Variants in SLC8A1 observed in about 807,000 individuals in gnomAD.
SLC8A1 encodes solute carrier family 8 member A1.
Under a neutral mutation model 68.3 loss-of-function variants are expected in SLC8A1, and 18 were observed. That is an observed-to-expected ratio of 0.26 (90% CI 0.18 to 0.39). The LOEUF (loss-of-function observed/expected upper bound fraction) is 0.39. Ranked by LOEUF, SLC8A1 falls within the 10% of genes least tolerant of loss-of-function variation. SLC8A1 has a pLI of 1.00. For synonymous variants in SLC8A1, 475 were observed against 415.5 expected (o/e 1.14, Z -1.74); for missense variants, 985 against 1,156.7 (o/e 0.85, Z 2.15).
chr2:40,261,587 T>C (rs984772878), intron 2 of SLC8A1, among the ~76,000 whole-genome samples: 1 of 152,052 alleles, frequency 6.6e-6, no homozygotes, highest in Non-Finnish European at 1.5e-5. Context: ...AGATGGGAGG[T>C]CTGGTAGATC....
At chr2:40,353,722 G>A (rs1484942691) in intron 2 of SLC8A1, among the ~76,000 whole-genome samples, 6 of 152,140 alleles carry the variant, frequency 3.9e-5, no homozygotes, top group African/African-American at 1.2e-4. Flanking sequence ...TTCTCCCAAA[G>A]TCATCTTCTG....
intron 2 of SLC8A1, among the ~76,000 whole-genome samples, chr2:40,285,139 T>C (rs1309324390): frequency 6.6e-6 from 1 of 152,138 alleles, no homozygotes; most frequent in Non-Finnish European, 1.5e-5. Flanking sequence ...ACTCTGTGAA[T>C]TGGGTATTAT....
At chr2:40,318,153 G>T (rs1427771883) in intron 2 of SLC8A1, among the ~76,000 whole-genome samples, 1 of 151,996 alleles carries the variant, frequency 6.6e-6, no homozygotes, top group East Asian at 1.9e-4. Flanking sequence ...CTGGAACTGG[G>T]CTAAGTTTGG....
rs538123582 is a variant in SLC8A1 at position 40,415,035 on chromosome 2, G to A, written c.1808+13438C>T. Among the ~76,000 whole-genome samples, 78 of 152,292 alleles carry A rather than the reference G, an allele frequency of 5.1e-4. 1 individual carries two copies. The South Asian group carries it at 0.014, about 27-fold the overall frequency. The stretch of plus-strand genomic sequence containing the variant: ...ATTTGTTGTAAAAGGGAATGGACTC[G>A]TATTTAAGGACAGGACTCTGAGGAC... On this transcript the variant is annotated intron_variant, in intron 2 of 7. Transcript: ENST00000406785.
chr2:40,470,492 A>C (rs1032054491), intron 1 of SLC8A1, among the ~76,000 whole-genome samples: 1 of 152,056 alleles, frequency 6.6e-6, no homozygotes, highest in African/African-American at 2.4e-5. Flanking sequence ...ACCCATTAAA[A>C]ATGGGATTGT....
chr2:40,501,700 A>G (rs748954711), intron 1 of SLC8A1, among the ~76,000 whole-genome samples: 4 of 152,180 alleles, frequency 2.6e-5, no homozygotes, highest in Non-Finnish European at 5.9e-5. Flanking sequence ...ATGGACATCT[A>G]TTTTGGTTTG....
chr2:40,146,998 A>G (rs1403101830), intron 6 of SLC8A1, among the ~76,000 whole-genome samples: 1 of 152,208 alleles, frequency 6.6e-6, no homozygotes, highest in African/African-American at 2.4e-5. Context: ...CATCTAGATG[A>G]AATCATCCAC....
chr2:40,450,757 A>C (rs1440744503), intron 1 of SLC8A1, among the ~76,000 whole-genome samples: 1 of 152,256 alleles, frequency 6.6e-6, no homozygotes, highest in African/African-American at 2.4e-5. Flanking sequence ...GAGCGGCTTC[A>C]GGAGAGCCAG....
At chr2:40,416,189 C>T (rs545932797) in intron 2 of SLC8A1, among the ~76,000 whole-genome samples, 70 of 151,906 alleles carry the variant, frequency 4.6e-4, no homozygotes, top group African/African-American at 1.5e-3. Flanking sequence ...CTCTTTTACT[C>T]ACAAAAGTGC....
At chr2:40,463,883 C>T (rs1367079151) in intron 1 of SLC8A1, among the ~76,000 whole-genome samples, 4 of 133,782 alleles carry the variant, frequency 3.0e-5, no homozygotes, top group African/African-American at 1.2e-4. Flanking sequence ...CACACACACA[C>T]ACACATATAT....
At chr2:40,267,826 C>G (rs1574929878) in intron 2 of SLC8A1, among the ~76,000 whole-genome samples, 2 of 152,094 alleles carry the variant, frequency 1.3e-5, no homozygotes, top group Admixed American at 1.3e-4. Flanking sequence ...ATCGAGCACA[C>G]AAGGAACTGT....
At chr2:40,465,240 T>C (rs1215945205) in intron 1 of SLC8A1, among the ~76,000 whole-genome samples, 2 of 152,194 alleles carry the variant, frequency 1.3e-5, no homozygotes, top group Non-Finnish European at 2.9e-5. Context: ...TCTCCTACCA[T>C]AGACAATTGT....
intron 1 of SLC8A1, among the ~76,000 whole-genome samples, chr2:40,509,290 C>A (rs1363497668): frequency 6.6e-6 from 1 of 152,056 alleles, no homozygotes. Context: ...AATCCTATAG[C>A]CTTTCTGGCT....
chr2:40,406,046 C>A (rs1047066549), intron 2 of SLC8A1, among the ~76,000 whole-genome samples: 1 of 152,158 alleles, frequency 6.6e-6, no homozygotes, highest in Non-Finnish European at 1.5e-5. Flanking sequence ...TTCTATAGCA[C>A]TGAACTCCCA....
At chr2:40,345,860 G>A (rs537381463) in intron 2 of SLC8A1, among the ~76,000 whole-genome samples, 28 of 152,042 alleles carry the variant, frequency 1.8e-4, no homozygotes, top group African/African-American at 6.5e-4. Flanking sequence ...GGAGGGCAAG[G>A]GGAGGGAGAG....
At chr2:40,133,228 A>C (rs2039749527) in intron 7 of SLC8A1, among the ~76,000 whole-genome samples, 3 of 152,164 alleles carry the variant, frequency 2.0e-5, no homozygotes, top group Non-Finnish European at 4.4e-5. Flanking sequence ...CACAGTCGTT[A>C]ACACCACGCT....
chr2:40,278,888 A>G (rs2067134999), intron 2 of SLC8A1, among the ~76,000 whole-genome samples: 1 of 152,164 alleles, frequency 6.6e-6, no homozygotes, highest in Non-Finnish European at 1.5e-5. Flanking sequence ...TTATTTGGTA[A>G]TGATTTACCC....
intron 2 of SLC8A1, among the ~76,000 whole-genome samples, chr2:40,381,716 T>C (rs1681865625): frequency 6.6e-6 from 1 of 151,442 alleles, no homozygotes; most frequent in Non-Finnish European, 1.5e-5. Flanking sequence ...GTTACATTTG[T>C]CTTATCTGAG....
chr2:40,352,545 T>C (rs920330403), intron 2 of SLC8A1, among the ~76,000 whole-genome samples: 3 of 152,178 alleles, frequency 2.0e-5, no homozygotes, highest in African/African-American at 7.2e-5. Flanking sequence ...TTTAATTTCC[T>C]AGAGATTAGG....
Sources: gnomAD v4.1 joint callset for allele counts (sites outside exome capture counted in the v4.1 genomes callset) on GRCh38, gnomAD v4.1.1 for gene constraint, MANE v1.5 for transcripts, NCBI Gene and HGNC (gene_info 2026-07-23, HGNC 2026-07-21) for gene names.